The following DSE variants were observed in gnomAD, a reference collection of about 807,000 sequenced individuals.
The protein encoded by DSE is dermatan sulfate epimerase.
A neutral mutation model predicts 84.4 loss-of-function variants in DSE; 36 were observed. The observed-to-expected ratio is 0.43, with a 90% CI of 0.33 to 0.56. DSE has a LOEUF of 0.56. Ranked by LOEUF, DSE falls within the 20% of genes least tolerant of loss-of-function variation. The pLI, the probability that DSE is intolerant of heterozygous loss-of-function variation, is 0.06. For synonymous variants in DSE, 410 were observed against 430.1 expected (o/e 0.95, Z 0.58); for missense variants, 862 against 1,169.6 (o/e 0.74, Z 3.84).
chr6:116,284,278 T>C (rs1773730414), intron 2 of DSE, among the ~76,000 whole-genome samples: 1 of 152,238 alleles, frequency 6.6e-6, no homozygotes, highest in Non-Finnish European at 1.5e-5. Flanking sequence ...CTGCTCCTGA[T>C]GTACCAGCCA....
At chr6:116,277,238 C>T (rs1773185578) in intron 2 of DSE, 2 of 152,610 alleles carry the variant, frequency 1.3e-5, no homozygotes, top group South Asian at 4.1e-4. Context: ...GTTGCGCTGT[C>T]TTTCTTTAAA....
At chr6:116,348,353 G>T (rs1250218327) in intron 2 of DSE, among the ~76,000 whole-genome samples, 3 of 152,004 alleles carry the variant, frequency 2.0e-5, no homozygotes, top group Admixed American at 6.6e-5. Context: ...CGTGAACCTG[G>T]GAGACGGAGC....
At position 116,439,766 on chromosome 6, in the gene DSE, A is replaced by C. The variant is rs1176193404; in HGVS notation, c.*2421A>C. 1 of 152,164 alleles carries C rather than the reference A, an allele frequency of 6.6e-6. No individual in the cohort carries two copies. The highest frequency in any genetic ancestry group is 6.5e-5 in the Admixed American group (1 of 15,282). The allele number at this position is 152,164 out of a possible 1,614,324, so 9.4% of individuals were successfully genotyped here. A position where few individuals can be genotyped will look rare whatever the true frequency, so the allele number is the denominator to read the frequency against. On this transcript the variant is annotated 3_prime_UTR_variant, in exon 6 of 6. Transcript: ENST00000644252. ...GGGGATTGGCAGGACTCTTGGTCCT[A>C]GCCTTAAAGAAAATTTGAGAATCAC...
intron 1 of DSE, among the ~76,000 whole-genome samples, chr6:116,388,041 C>T (rs1208701537): frequency 6.6e-6 from 1 of 152,114 alleles, no homozygotes; most frequent in African/African-American, 2.4e-5. Context: ...TCCAGAGAAA[C>T]AGAACCAGTA....
At chr6:116,258,397 T>A (rs535774329) in intron 1 of DSE, 8 of 681,304 alleles carry the variant, frequency 1.2e-5, no homozygotes, top group South Asian at 1.1e-4. Flanking sequence ...GCACATTTTT[T>A]AAAGTCATTA....
At position 116,283,840 on chromosome 6, in the gene DSE, G is replaced by A. The variant is rs145570300; in HGVS notation, c.-54+24873G>A. On this transcript the variant is annotated intron_variant, in intron 2 of 3. Coordinates refer to the DSE transcript ENST00000430252. ...ATTACAGGCATGAGCCACTGCGCCC[G>A]GCTAGATTTGGGTAGATTCTTAACA... Among the ~76,000 whole-genome samples, 269 of 152,216 alleles carry A rather than the reference G, an allele frequency of 1.8e-3. 1 individual carries two copies. The highest frequency in any genetic ancestry group is 5.8e-3 in the African/African-American group (242 of 41,520).
intron 2 of DSE, among the ~76,000 whole-genome samples, chr6:116,350,173 CAT>C (rs1393193284): frequency 6.6e-6 from 1 of 152,084 alleles, no homozygotes; most frequent in East Asian, 1.9e-4. Flanking sequence ...TGATTTATCT[CAT>C]AAGAGAACAG....
chr6:116,329,575 T>C (rs938030117), intron 2 of DSE, among the ~76,000 whole-genome samples: 1 of 152,218 alleles, frequency 6.6e-6, no homozygotes, highest in African/African-American at 2.4e-5. Context: ...TGTATTCTTA[T>C]TTTAAAGATT....
At chr6:116,292,232 G>A (rs766972946) in intron 2 of DSE, among the ~76,000 whole-genome samples, 1 of 151,966 alleles carries the variant, frequency 6.6e-6, no homozygotes, top group Non-Finnish European at 1.5e-5. Context: ...CAGATGAGGT[G>A]GCACAAGTAG....
At chr6:116,403,460 C>T (rs1781726087) in intron 2 of DSE, among the ~76,000 whole-genome samples, 1 of 150,960 alleles carries the variant, frequency 6.6e-6, no homozygotes. Flanking sequence ...TAAAAAATAT[C>T]AGCAATAAAG....
In DSE at chr6:116,303,061, G is replaced by A. The variant is rs542940259; in HGVS notation, c.-54+44094G>A. ...AGCATTCTTTTATCTCATCCAATTC[G>A]TCCAATGTGCTCTCTCTTTCTCTTC... On this transcript the variant is annotated intron_variant, in intron 2 of 3. Coordinates refer to the DSE transcript ENST00000430252. 5.3e-5 allele frequency among the ~76,000 whole-genome samples: 8 copies of A among 151,976 alleles called. No individual in the cohort carries two copies. In the South Asian group the frequency reaches 6.2e-4, roughly 12 times the overall value.
At chr6:116,341,239 A>G (rs940915301) in intron 2 of DSE, among the ~76,000 whole-genome samples, 2 of 152,222 alleles carry the variant, frequency 1.3e-5, no homozygotes, top group Non-Finnish European at 2.9e-5. Flanking sequence ...ATGGCCAGTG[A>G]TGATGACCAT....
rs1784115328 is a variant in DSE, at chr6:116,435,854, C to T, written c.1386C>T (p.Pro462=). The T allele has an allele frequency of 6.2e-7, 1 of 1,614,146 alleles. No individual in the cohort carries two copies. The highest frequency in any genetic ancestry group is 1.3e-5 in the African/African-American group (1 of 75,040). ...HPDQNSFTFA[P]NGVPFITEAL... ...ATCAAAACTCATTTACTTTTGCTCCCAATGGTGTGCCTTTCATTACTGAGG... is the reference window on the plus strand; with the variant it reads ...ATCAAAACTCATTTACTTTTGCTCCTAATGGTGTGCCTTTCATTACTGAGG... Residue 462 remains proline, a synonymous_variant, in exon 6 of 6, where the codon CCC becomes CCT. Coordinates refer to ENST00000644252, the MANE Select transcript of DSE (RefSeq NM_013352.4).
chr6:116,422,401 A>G (rs1297754282), intron 2 of DSE, among the ~76,000 whole-genome samples: 1 of 152,216 alleles, frequency 6.6e-6, no homozygotes, highest in Non-Finnish European at 1.5e-5. Flanking sequence ...GTTTATTTTC[A>G]AGAATATTTC....
chr6:116,368,928 G>A (rs1018517642), upstream of DSE, among the ~76,000 whole-genome samples: 2 of 146,650 alleles, frequency 1.4e-5, no homozygotes, highest in African/African-American at 5.0e-5. Context: ...AATGGGGTGG[G>A]CGGGGGCGGG....
intron 2 of DSE, among the ~76,000 whole-genome samples, chr6:116,355,091 G>T (rs1053428104): frequency 1.3e-5 from 2 of 152,144 alleles, no homozygotes; most frequent in African/African-American, 4.8e-5. Flanking sequence ...CACTTGAGTT[G>T]TTTTCAGTAT....
At chr6:116,297,013 G>T (rs1225399119) in intron 2 of DSE, among the ~76,000 whole-genome samples, 2 of 152,128 alleles carry the variant, frequency 1.3e-5, no homozygotes, top group Admixed American at 6.6e-5. Context: ...AGGGAAAGTG[G>T]CTTAAACTAG....
rs550425382 is a variant in DSE at position 116,394,349 on chromosome 6, C to T, written c.-53-4849C>T. On this transcript the variant is annotated intron_variant, in intron 1 of 5. Coordinates refer to ENST00000644252, the MANE Select transcript of DSE (RefSeq NM_013352.4). Reference sequence around the variant, plus strand: ...GTAATTCATAATTCACGTGGCTTGGCCTACACGTAATGCTAAACTTGGACT... The same window carrying T: ...GTAATTCATAATTCACGTGGCTTGGTCTACACGTAATGCTAAACTTGGACT... Among the ~76,000 whole-genome samples, 4 of 152,182 alleles carry T rather than the reference C, an allele frequency of 2.6e-5. No homozygotes were observed. The East Asian group carries it at 7.7e-4, about 29-fold the overall frequency.
chr6:116,329,043 A>G (rs978993008), intron 2 of DSE, among the ~76,000 whole-genome samples: 18 of 152,360 alleles, frequency 1.2e-4, no homozygotes, highest in African/African-American at 4.1e-4. Flanking sequence ...AAAAATAAAA[A>G]AACTTTTGTT....
Sources: allele counts gnomAD v4.1 joint callset (sites outside exome capture counted in the v4.1 genomes callset), GRCh38; gene constraint gnomAD v4.1.1; transcripts MANE v1.5; gene names NCBI Gene and HGNC (gene_info 2026-07-23, HGNC 2026-07-21).